HERC3: variants seen among roughly 807,000 people sequenced by gnomAD.
The protein encoded by HERC3 is HECT and RLD domain containing E3 ubiquitin protein ligase 3.
HERC3 carries 58 observed loss-of-function variants against 129.9 expected under a neutral mutation model. The observed-to-expected ratio is 0.45, with a 90% CI of 0.36 to 0.56. HERC3 has a LOEUF of 0.56. Among genes scored for constraint, HERC3 ranks in the 20% least tolerant of loss-of-function variants. HERC3 has a pLI of 0.00. For synonymous variants in HERC3, 430 were observed against 451.0 expected (o/e 0.95, Z 0.59); for missense variants, 835 against 1,244.2 (o/e 0.67, Z 4.95).
intron 3 of HERC3, among the ~76,000 whole-genome samples, chr4:88,644,789 ACT>A (rs1279219653): frequency 6.6e-6 from 1 of 152,046 alleles, no homozygotes; most frequent in African/African-American, 2.4e-5. Context: ...TTTGAAGCTG[ACT>A]CTGGTTTCAG....
chr4:88,641,200 A>T (rs1728050613), intron 3 of HERC3, among the ~76,000 whole-genome samples: 1 of 152,258 alleles, frequency 6.6e-6, no homozygotes, highest in African/African-American at 2.4e-5. Context: ...CAGCAGCCTT[A>T]TAAATAATCA....
rs527372760 is a variant in HERC3, at chr4:88,660,662, G to A, written c.1147-1769G>A. Among the ~76,000 whole-genome samples the A allele has an allele frequency of 5.3e-5, 8 of 152,192 alleles. No homozygotes were observed. In the East Asian group the frequency reaches 7.7e-4, roughly 15 times the overall value. On this transcript the variant is annotated intron_variant, in intron 10 of 25. Transcript: ENST00000402738. ...AACCATAGCATCTCCTTTTCCTGTC[G>A]TTTTGTTCCCTGGATAGAATTGAAG...
At chr4:88,634,024 A>G (rs1277575269) in intron 3 of HERC3, among the ~76,000 whole-genome samples, 1 of 152,230 alleles carries the variant, frequency 6.6e-6, no homozygotes, top group South Asian at 2.1e-4. Flanking sequence ...CCGGCAACCA[A>G]GATATCCAGG....
chr4:88,590,516 G>A (rs1721644104), upstream of HERC3, among the ~76,000 whole-genome samples: 1 of 152,226 alleles, frequency 6.6e-6, no homozygotes, highest in Admixed American at 6.5e-5. Flanking sequence ...CCGAGTTTGC[G>A]CCACTGCACT....
At chr4:88,609,112 CAA>C (rs35489177) in intron 3 of HERC3, among the ~76,000 whole-genome samples, 2,212 of 89,672 alleles carry the variant, frequency 0.025, 45 homozygotes, top group African/African-American at 0.071. Context: ...CATACAGATG[CAA>C]AAAAAAAAAA....
At chr4:88,586,830 G>A in the HERC3 span, among the ~76,000 whole-genome samples, 1 of 152,120 alleles carries the variant, frequency 6.6e-6, no homozygotes, top group Non-Finnish European at 1.5e-5. Context: ...AGAAAAACAA[G>A]TTGCTTTTCA....
At chr4:88,532,840 A>G in the HERC3 span, among the ~76,000 whole-genome samples, 1 of 152,174 alleles carries the variant, frequency 6.6e-6, no homozygotes, top group Non-Finnish European at 1.5e-5. Flanking sequence ...TTCAAGGGAG[A>G]GCTTGAGGAA....
chr4:88,582,652 C>G, the HERC3 span, among the ~76,000 whole-genome samples: 1 of 152,192 alleles, frequency 6.6e-6, no homozygotes. Flanking sequence ...CATGCCCAGA[C>G]AGGATATTCT....
At chr4:88,545,240 A>G in the HERC3 span, among the ~76,000 whole-genome samples, 96 of 152,216 alleles carry the variant, frequency 6.3e-4, 1 homozygote, top group South Asian at 0.019. Flanking sequence ...CCAGCCATAA[A>G]TATATGCACC....
the HERC3 span, among the ~76,000 whole-genome samples, chr4:88,582,305 A>G: frequency 2.0e-5 from 3 of 152,142 alleles, no homozygotes; most frequent in African/African-American, 4.8e-5. Flanking sequence ...TGAGTTTCCT[A>G]TGGGTATGAT....
intron 23 of HERC3, among the ~76,000 whole-genome samples, chr4:88,692,540 G>C (rs1734180000): frequency 6.6e-6 from 1 of 152,172 alleles, no homozygotes. Context: ...GACTTCAGTT[G>C]ATCTTTCAGG....
Position 88,651,996 on chromosome 4 carries a change from G to A in HERC3, c.387-16G>A. ...TGTGAATATCTATCTGAAAAAGAAAGCCTTTTCTGTTTTAGGTTAATACAA... is the reference window on the plus strand; with the variant it reads ...TGTGAATATCTATCTGAAAAAGAAAACCTTTTCTGTTTTAGGTTAATACAA... On this transcript the variant is annotated splice_polypyrimidine_tract_variant and intron_variant, in intron 4 of 25. Transcript: ENST00000402738. 1 of 1,564,818 alleles carries A rather than the reference G, an allele frequency of 6.4e-7. No individual in the cohort carries two copies. Among genetic ancestry groups the A allele is most frequent in the Non-Finnish European group, 8.8e-7 (1 of 1,137,656 alleles).
chr4:88,588,499 A>T (rs180890505), upstream of HERC3, among the ~76,000 whole-genome samples: 24 of 152,366 alleles, frequency 1.6e-4, 1 homozygote, highest in East Asian at 4.2e-3. Context: ...TTACATAACC[A>T]TACAAGGTAC....
chr4:88,689,563 T>C (rs1733850180), intron 23 of HERC3, among the ~76,000 whole-genome samples: 1 of 150,044 alleles, frequency 6.7e-6, no homozygotes, highest in South Asian at 2.1e-4. Flanking sequence ...GACAGACTTC[T>C]TCTTCCATCC....
intron 3 of HERC3, among the ~76,000 whole-genome samples, chr4:88,641,151 A>T (rs1560708273): frequency 1.3e-5 from 2 of 152,232 alleles, no homozygotes; most frequent in African/African-American, 4.8e-5. Context: ...TAGGAGAAAA[A>T]TAACAAGAAA....
In HERC3 at chr4:88,701,673, T is replaced by C. The variant is rs945173736; in HGVS notation, c.2658-2425T>C. On this transcript the variant is annotated intron_variant, in intron 23 of 25. Coordinates refer to ENST00000402738, the MANE Select transcript of HERC3 (RefSeq NM_014606.3). ...ACCCTTAATTCCAAATTACTGATACTGTTGTACATACCCTTAATTCCATTC... is the reference window on the plus strand; with the variant it reads ...ACCCTTAATTCCAAATTACTGATACCGTTGTACATACCCTTAATTCCATTC... Among the ~76,000 whole-genome samples, 6 of 152,334 alleles carry C rather than the reference T, an allele frequency of 3.9e-5. No homozygotes were observed. The East Asian group carries it at 1.2e-3, about 29-fold the overall frequency.
the HERC3 span, among the ~76,000 whole-genome samples, chr4:88,532,265 T>C: frequency 6.6e-6 from 1 of 152,176 alleles, no homozygotes; most frequent in Non-Finnish European, 1.5e-5. Flanking sequence ...AGTCCCATAA[T>C]CTGCCCTCTG....
intron 23 of HERC3, chr4:88,689,858 A>T: frequency 2.9e-6 from 1 of 348,766 alleles, no homozygotes; most frequent in Non-Finnish European, 4.0e-6. Context: ...GATTACAGGC[A>T]TGAGCCACCG....
At chr4:88,534,529 A>G in the HERC3 span, among the ~76,000 whole-genome samples, 2 of 151,700 alleles carry the variant, frequency 1.3e-5, no homozygotes, top group South Asian at 2.1e-4. Flanking sequence ...TCTTCCCTCT[A>G]CTTAGTCAGT....
Sources: gnomAD v4.1 joint callset for allele counts (sites outside exome capture counted in the v4.1 genomes callset) on GRCh38, gnomAD v4.1.1 for gene constraint, MANE v1.5 for transcripts, NCBI Gene and HGNC (gene_info 2026-07-23, HGNC 2026-07-21) for gene names.